Variants in UBE2D2 observed in about 807,000 individuals in gnomAD.
The protein encoded by UBE2D2 is ubiquitin conjugating enzyme E2 D2, also known as ubiquitin-conjugating enzyme E2 D2.
UBE2D2 carries 2 observed loss-of-function variants against 24.2 expected under a neutral mutation model. The observed-to-expected ratio is 0.08, with a 90% CI of 0.03 to 0.26. The LOEUF (loss-of-function observed/expected upper bound fraction) is 0.26, where lower values mean the gene tolerates loss of function less well. Ranked by LOEUF, UBE2D2 falls within the 10% of genes least tolerant of loss-of-function variation. UBE2D2 has a pLI of 1.00. For synonymous variants in UBE2D2, 58 were observed against 56.5 expected (o/e 1.03, Z -0.12); for missense variants, 44 against 177.6 (o/e 0.25, Z 4.28).
upstream of UBE2D2, among the ~76,000 whole-genome samples, chr5:139,559,895 C>G (rs1753036948): frequency 6.6e-6 from 1 of 152,152 alleles, no homozygotes; most frequent in East Asian, 1.9e-4. Context: ...GTATCTCACA[C>G]CAGTCATGGT....
At chr5:139,603,401 C>T (rs974491232) in intron 2 of UBE2D2, among the ~76,000 whole-genome samples, 1 of 152,026 alleles carries the variant, frequency 6.6e-6, no homozygotes, top group African/African-American at 2.4e-5. Flanking sequence ...AATCCTAGCA[C>T]TTTGGGAGGC....
chr5:139,546,312 G>A (rs1308813322), intron 1 of UBE2D2, among the ~76,000 whole-genome samples: 2 of 152,074 alleles, frequency 1.3e-5, no homozygotes, highest in Non-Finnish European at 2.9e-5. Flanking sequence ...AAAGTGCTGG[G>A]ATTACAGGCA....
At chr5:139,604,128 A>G (rs938737759) in intron 2 of UBE2D2, among the ~76,000 whole-genome samples, 1 of 151,676 alleles carries the variant, frequency 6.6e-6, no homozygotes, top group African/African-American at 2.4e-5. Flanking sequence ...TATATCCAGT[A>G]TATTTTTAAA....
chr5:139,542,082 G>A (rs995116828), intron 1 of UBE2D2, among the ~76,000 whole-genome samples: 1 of 152,142 alleles, frequency 6.6e-6, no homozygotes, highest in African/African-American at 2.4e-5. Context: ...AGCTACTCAG[G>A]AGGCTGAGGC....
intron 1 of UBE2D2, among the ~76,000 whole-genome samples, chr5:139,594,455 C>T (rs2126679580): frequency 6.6e-6 from 1 of 151,888 alleles, no homozygotes; most frequent in African/African-American, 2.4e-5. Flanking sequence ...TCTCTATTGC[C>T]CAGGCTGGAG....
intron 1 of UBE2D2, 94 bp from the exon 2 acceptor site, chr5:139,600,278 C>A: frequency 7.6e-7 from 1 of 1,318,256 alleles, no homozygotes; most frequent in African/African-American, 1.4e-5. Flanking sequence ...GTTTCACCAG[C>A]AGGACAGAGA....
chr5:139,614,280 T>C (rs556991445), intron 2 of UBE2D2, among the ~76,000 whole-genome samples: 3 of 152,182 alleles, frequency 2.0e-5, no homozygotes, highest in East Asian at 1.9e-4. Context: ...CATGGCTCAT[T>C]GCAGCCTCCA....
chr5:139,584,880 G>C (rs1373993562), intron 1 of UBE2D2, among the ~76,000 whole-genome samples: 2 of 144,574 alleles, frequency 1.4e-5, no homozygotes, highest in Admixed American at 1.4e-4. Flanking sequence ...ATAATATATT[G>C]TGTATGTCAC....
At chr5:139,599,949 A>C (rs1423758186) in intron 1 of UBE2D2, among the ~76,000 whole-genome samples, 1 of 151,856 alleles carries the variant, frequency 6.6e-6, no homozygotes, top group African/African-American at 2.4e-5. Flanking sequence ...TATGACAGGC[A>C]TGTATCACCA....
chr5:139,607,096 G>A (rs1330174709), intron 2 of UBE2D2, among the ~76,000 whole-genome samples: 1 of 152,178 alleles, frequency 6.6e-6, no homozygotes, highest in Non-Finnish European at 1.5e-5. Flanking sequence ...GAGCCACCAC[G>A]CCTAGCCTAC....
chr5:139,586,170 T>G (rs193145014), intron 1 of UBE2D2, among the ~76,000 whole-genome samples: 114 of 152,106 alleles, frequency 7.5e-4, no homozygotes, highest in African/African-American at 2.5e-3. Context: ...AGATAAAGAT[T>G]ATCTGGGGTC....
intron 2 of UBE2D2, among the ~76,000 whole-genome samples, chr5:139,605,013 TAGA>T (rs1396996812): frequency 6.6e-6 from 1 of 152,178 alleles, no homozygotes; most frequent in Admixed American, 6.6e-5. Context: ...AATTTAATCT[TAGA>T]AGAAGGAAGA....
At chr5:139,553,023 T>C (rs534108343) in intron 1 of UBE2D2, among the ~76,000 whole-genome samples, 1 of 152,058 alleles carries the variant, frequency 6.6e-6, no homozygotes. Flanking sequence ...TTCTCCATGT[T>C]GGTCAGGCTG....
chr5:139,587,033 C>T (rs564500414), intron 1 of UBE2D2, among the ~76,000 whole-genome samples: 2 of 152,268 alleles, frequency 1.3e-5, no homozygotes, highest in South Asian at 2.1e-4. Flanking sequence ...GCCACTTCCA[C>T]GATGTTGGCA....
chr5:139,546,851 TTCCTTCC>T, intron 1 of UBE2D2, among the ~76,000 whole-genome samples: 1 of 146,640 alleles, frequency 6.8e-6, no homozygotes, highest in African/African-American at 2.5e-5. Context: ...CCTTCCTTCC[TTCCTTCC>T]TTCCTTCCTT....
At chr5:139,538,102 G>C (rs545671577) in intron 1 of UBE2D2, among the ~76,000 whole-genome samples, 2 of 152,110 alleles carry the variant, frequency 1.3e-5, no homozygotes, top group African/African-American at 4.8e-5. Flanking sequence ...GCAGGATCTT[G>C]GCTCACTGCA....
At chr5:139,609,988 G>A (rs1754279180) in intron 2 of UBE2D2, among the ~76,000 whole-genome samples, 1 of 151,582 alleles carries the variant, frequency 6.6e-6, no homozygotes, top group Admixed American at 6.6e-5. Flanking sequence ...GGCCAGGCTG[G>A]TCTTGAACTC....
At chr5:139,570,617 T>C (rs1753335722) in intron 1 of UBE2D2, among the ~76,000 whole-genome samples, 1 of 152,206 alleles carries the variant, frequency 6.6e-6, no homozygotes. Flanking sequence ...GTTCAAGCAA[T>C]TCTCCAGCTT....
chr5:139,526,375 G>A (rs1752537037), upstream of UBE2D2: 2 of 152,210 alleles, frequency 1.3e-5, no homozygotes, highest in South Asian at 4.1e-4. Flanking sequence ...GGGAAGCAAG[G>A]TGACTGACAG....
Sources: allele counts gnomAD v4.1 joint callset (sites outside exome capture counted in the v4.1 genomes callset), GRCh38; gene constraint gnomAD v4.1.1; transcripts MANE v1.5; gene names NCBI Gene and HGNC (gene_info 2026-07-23, HGNC 2026-07-21).